Variants in MYH15 observed in about 807,000 individuals in gnomAD.
MYH15 encodes myosin-15.
Under a neutral mutation model 240.5 loss-of-function variants are expected in MYH15, and 227 were observed. The ratio of observed to expected loss-of-function variants is 0.94; its 90% CI spans 0.85 to 1.05. MYH15 has a LOEUF of 1.05. Among genes scored for constraint, MYH15 ranks in the 50% least tolerant of loss-of-function variants. The probability of loss-of-function intolerance (pLI) is 0.00; values close to 1 mark genes in which losing one functional copy is unlikely to be tolerated. For missense variants in MYH15, 2,217 were observed against 2,247.5 expected (o/e 0.99, Z 0.27); for synonymous variants, 785 against 796.7 (o/e 0.99, Z 0.25).
At chr3:108,549,195 A>G in the MYH15 span, among the ~76,000 whole-genome samples, 3 of 151,972 alleles carry the variant, frequency 2.0e-5, no homozygotes, top group African/African-American at 7.2e-5. Flanking sequence ...ACACACATAC[A>G]AAACCCTGAC....
the MYH15 span, among the ~76,000 whole-genome samples, chr3:108,545,688 T>TACAC: frequency 3.3e-4 from 45 of 137,814 alleles, no homozygotes; most frequent in African/African-American, 1.2e-3. Context: ...GTTTCTAATA[T>TACAC]ACACATACAC....
In MYH15 at chr3:108,469,775, C is replaced by T. The variant is rs191696496; in HGVS notation, c.1554+267G>A. 3.5e-3 allele frequency among the ~76,000 whole-genome samples: 527 copies of T among 152,282 alleles called. 2 individuals carry two copies. Among genetic ancestry groups the T allele is most frequent in the Middle Eastern group, 6.8e-3 (2 of 294 alleles). ...ACCATTTTTAAACTCAACAAGTTTC[C>T]GCTCACGTTAACAGTGGAGGCCATG... is the stretch of plus-strand genomic sequence containing the variant. On this transcript the variant is annotated intron_variant, in intron 14 of 40. Transcript: ENST00000693548.
intron 28 of MYH15, among the ~76,000 whole-genome samples, chr3:108,418,401 A>G (rs1006225098): frequency 9.9e-5 from 15 of 152,216 alleles, no homozygotes; most frequent in Middle Eastern, 3.2e-3. Flanking sequence ...TAGCGAATAC[A>G]ATTTTTACCA....
At chr3:108,425,009 A>G (rs1054419050) in intron 27 of MYH15, among the ~76,000 whole-genome samples, 2 of 152,222 alleles carry the variant, frequency 1.3e-5, no homozygotes, top group Non-Finnish European at 2.9e-5. Flanking sequence ...AACATGAAAA[A>G]TGAGACCTAG....
At chr3:108,523,215 A>G (rs1254918884) in intron 1 of MYH15, among the ~76,000 whole-genome samples, 8 of 152,018 alleles carry the variant, frequency 5.3e-5, no homozygotes, top group Admixed American at 2.6e-4. Flanking sequence ...CTATCTCTGG[A>G]TGGTGGGATT....
chr3:108,483,717 A>T (rs1225768193), intron 11 of MYH15, among the ~76,000 whole-genome samples: 1 of 152,264 alleles, frequency 6.6e-6, no homozygotes, highest in Non-Finnish European at 1.5e-5. Context: ...TGATGAAAAG[A>T]TAAGTGTGTT....
At chr3:108,550,910 T>C in the MYH15 span, 1 of 259,776 alleles carries the variant, frequency 3.8e-6, no homozygotes, top group Non-Finnish European at 7.2e-6. Flanking sequence ...TTTTCTAATG[T>C]AAGAACCAAA....
rs576128802 is a variant in MYH15, at chr3:108,444,045, C to T, written c.2655+595G>A. On this transcript the variant is annotated intron_variant, in intron 22 of 40. Transcript: ENST00000693548. ...ATAGCATTAGGAGATATACCTAATG[C>T]TAAATGATGAGTTAATGGGTGCAGC... Among the ~76,000 whole-genome samples, 5 of 145,872 alleles carry T rather than the reference C, an allele frequency of 3.4e-5. No individual in the cohort carries two copies. The South Asian group carries it at 8.9e-4, about 26-fold the overall frequency.
chr3:108,391,731 C>T (rs756643853), intron 37 of MYH15, 29 bp downstream of exon 37: 1 of 1,603,874 alleles, frequency 6.2e-7, no homozygotes, highest in East Asian at 2.2e-5. Flanking sequence ...TGGGGACTGT[C>T]AAGCCCTCAT....
chr3:108,451,252 C>T (rs902026030), intron 21 of MYH15, among the ~76,000 whole-genome samples: 2 of 152,040 alleles, frequency 1.3e-5, no homozygotes, highest in African/African-American at 4.8e-5. Flanking sequence ...TGGAGGCACA[C>T]GCCTGTAATC....
At chr3:108,474,148 T>C (rs2083200390) in intron 12 of MYH15, among the ~76,000 whole-genome samples, 1 of 152,128 alleles carries the variant, frequency 6.6e-6, no homozygotes. Flanking sequence ...CTTTTGCAAT[T>C]GTCATCAACA....
chr3:108,412,179 T>G (rs2082599468), intron 30 of MYH15, among the ~76,000 whole-genome samples: 1 of 152,198 alleles, frequency 6.6e-6, no homozygotes, highest in Admixed American at 6.5e-5. Flanking sequence ...AATCTCATCT[T>G]GTAGTTCCCA....
intron 12 of MYH15, among the ~76,000 whole-genome samples, chr3:108,471,517 G>T (rs960261148): frequency 6.6e-6 from 1 of 152,180 alleles, no homozygotes; most frequent in South Asian, 2.1e-4. Flanking sequence ...GCTGCAGGAA[G>T]AAGTCTGCTG....
upstream of MYH15, among the ~76,000 whole-genome samples, chr3:108,515,010 C>G (rs1490496245): frequency 6.6e-6 from 1 of 152,094 alleles, no homozygotes; most frequent in Non-Finnish European, 1.5e-5. Context: ...ATTACCAGTT[C>G]TTATCCACTT....
chr3:108,428,153 C>T (rs1035749473), intron 27 of MYH15, among the ~76,000 whole-genome samples: 24 of 152,172 alleles, frequency 1.6e-4, no homozygotes, highest in African/African-American at 5.6e-4. Flanking sequence ...CTGAGGAGCA[C>T]TTATAACAAA....
chr3:108,449,570 T>G (rs1294740751), intron 21 of MYH15, among the ~76,000 whole-genome samples: 1 of 152,054 alleles, frequency 6.6e-6, no homozygotes, highest in African/African-American at 2.4e-5. Flanking sequence ...TCACACCATA[T>G]ACAAATATGA....
intron 34 of MYH15, 54 bp downstream of exon 34, chr3:108,399,021 A>G (rs2082484326): frequency 1.3e-6 from 2 of 1,561,814 alleles, no homozygotes; most frequent in Non-Finnish European, 8.7e-7. Context: ...GTTTGCTTCC[A>G]TAAGCAGAAA....
chr3:108,441,147 C>T lies in MYH15; in HGVS notation c.2769G>A (p.Glu923=). 3.7e-6 allele frequency: 6 copies of T among 1,614,166 alleles called. No individual in the cohort carries two copies. The highest frequency in any genetic ancestry group is 5.1e-6 in the Non-Finnish European group (6 of 1,180,006). ...CCCTGGCAGTCAGCTCAGAATTTATCTCCTCTTCTTCCTCCACCCTCTCCG... is the reference window on the plus strand; with the variant it reads ...CCCTGGCAGTCAGCTCAGAATTTATTTCCTCTTCTTCCTCCACCCTCTCCG... ...ELSERVEEEE[E]INSELTARGR... The change falls in exon 23 of 41, where the codon GAG becomes GAA. Residue 923 remains glutamate, a synonymous_variant. Transcript: ENST00000693548.
the MYH15 span, among the ~76,000 whole-genome samples, chr3:108,538,524 AGCATAC>A: frequency 6.6e-6 from 1 of 152,256 alleles, no homozygotes; most frequent in South Asian, 2.1e-4. Context: ...AAATGTTAAC[AGCATAC>A]ACTTCAAGAT....
Sources: gnomAD v4.1 joint callset for allele counts (sites outside exome capture counted in the v4.1 genomes callset) on GRCh38, gnomAD v4.1.1 for gene constraint, MANE v1.5 for transcripts, NCBI Gene and HGNC (gene_info 2026-07-23, HGNC 2026-07-21) for gene names.